The following RALYL variants were observed in gnomAD, a reference collection of about 807,000 sequenced individuals.
RALYL encodes RNA-binding Raly-like protein.
Under a neutral mutation model 35.1 loss-of-function variants are expected in RALYL, and 29 were observed. The observed-to-expected ratio is 0.83, with a 90% CI of 0.61 to 1.13. The LOEUF (loss-of-function observed/expected upper bound fraction) is 1.13, where lower values mean the gene tolerates loss of function less well. RALYL is among the 50% of genes most tolerant of loss of function. The pLI, the probability that RALYL is intolerant of heterozygous loss-of-function variation, is 0.00. For missense variants in RALYL, 359 were observed against 360.4 expected (o/e 1.00, Z 0.03); for synonymous variants, 120 against 127.6 (o/e 0.94, Z 0.40).
At chr8:84,312,452 G>A (rs1375281156) in intron 1 of RALYL, among the ~76,000 whole-genome samples, 1 of 152,116 alleles carries the variant, frequency 6.6e-6, no homozygotes, top group Non-Finnish European at 1.5e-5. Context: ...AATTTCATCT[G>A]GGACAAGGCA....
At chr8:84,566,190 T>C (rs1374721196) in intron 2 of RALYL, among the ~76,000 whole-genome samples, 1 of 151,562 alleles carries the variant, frequency 6.6e-6, no homozygotes, top group Non-Finnish European at 1.5e-5. Flanking sequence ...TCTCATGCTG[T>C]GCTCTTTACT....
intron 2 of RALYL, among the ~76,000 whole-genome samples, chr8:84,722,667 G>C (rs1484978529): frequency 8.0e-6 from 1 of 124,624 alleles, no homozygotes; most frequent in African/African-American, 3.3e-5. Context: ...ATAAAATATT[G>C]TGTATATACA....
chr8:84,843,644 G>C (rs1042499309), intron 4 of RALYL, among the ~76,000 whole-genome samples: 12 of 152,090 alleles, frequency 7.9e-5, no homozygotes, highest in Non-Finnish European at 1.5e-4. Context: ...AACCAAAAAA[G>C]AGCCCACATT....
At chr8:84,822,501 A>G (rs1475814647) in intron 4 of RALYL, among the ~76,000 whole-genome samples, 2 of 152,192 alleles carry the variant, frequency 1.3e-5, no homozygotes, top group East Asian at 3.8e-4. Flanking sequence ...GGCACTGTGT[A>G]TGTGCAAAAT....
chr8:84,424,044 T>C (rs1453043989), intron 1 of RALYL, among the ~76,000 whole-genome samples: 38 of 152,076 alleles, frequency 2.5e-4, no homozygotes, highest in Admixed American at 1.2e-3. Context: ...TTGCTCTTCT[T>C]GAGGAGTATC....
intron 7 of RALYL, 71 bp downstream of exon 7, chr8:84,873,468 A>G: frequency 2.3e-6 from 2 of 868,140 alleles, no homozygotes; most frequent in Non-Finnish European, 3.7e-6. Flanking sequence ...GAAGCAGTAC[A>G]GGGCCAGGAA....
rs955771169 is a variant in RALYL at position 84,184,840 on chromosome 8, G to A, written c.-24+416G>A. ...GCTGGCCGTCGGGCGGGCTAGAGGG[G>A]ACCCTCAGAGCACCCGGGAGATGGG... On this transcript the variant is annotated intron_variant, in intron 1 of 8. Coordinates refer to ENST00000521268, the MANE Select transcript of RALYL (RefSeq NM_173848.7). 2.5e-5 allele frequency: 20 copies of A among 809,386 alleles called. No homozygotes were observed. In the African/African-American group the frequency reaches 2.9e-4, roughly 12 times the overall value. The allele number at this position is 809,386 out of a possible 1,614,324, so 50.1% of individuals were successfully genotyped here. A position where few individuals can be genotyped will look rare whatever the true frequency, so the allele number is the denominator to read the frequency against.
At chr8:84,231,765 T>A (rs1825419260) in intron 1 of RALYL, among the ~76,000 whole-genome samples, 1 of 152,188 alleles carries the variant, frequency 6.6e-6, no homozygotes, top group South Asian at 2.1e-4. Context: ...AAAGTAGTCA[T>A]TACATCCTTT....
chr8:84,508,260 T>G (rs1479936997), intron 1 of RALYL, among the ~76,000 whole-genome samples: 1 of 152,126 alleles, frequency 6.6e-6, no homozygotes, highest in East Asian at 1.9e-4. Context: ...CTCAAGTGCT[T>G]GAGACTATCC....
chr8:84,278,952 C>A (rs1194960595), intron 1 of RALYL, among the ~76,000 whole-genome samples: 1 of 152,280 alleles, frequency 6.6e-6, no homozygotes, highest in Non-Finnish European at 1.5e-5. Flanking sequence ...ATAGTAGCAC[C>A]TCACTCCTGG....
chr8:84,579,668 T>C (rs1192171588), intron 2 of RALYL, among the ~76,000 whole-genome samples: 1 of 152,260 alleles, frequency 6.6e-6, no homozygotes, highest in African/African-American at 2.4e-5. Flanking sequence ...GTCATTATTT[T>C]AGTTACTTGG....
chr8:84,688,580 T>A (rs1281074774), intron 2 of RALYL, among the ~76,000 whole-genome samples: 1 of 152,052 alleles, frequency 6.6e-6, no homozygotes, highest in Non-Finnish European at 1.5e-5. Flanking sequence ...CAACTCAAAA[T>A]TGATTAAAGA....
chr8:84,842,546 G>A (rs1325470865), intron 4 of RALYL, among the ~76,000 whole-genome samples: 1 of 152,142 alleles, frequency 6.6e-6, no homozygotes, highest in African/African-American at 2.4e-5. Flanking sequence ...GGTACAAGGA[G>A]GAGCTAGTAC....
At chr8:84,839,522 T>C (rs531141652) in intron 4 of RALYL, among the ~76,000 whole-genome samples, 69 of 152,338 alleles carry the variant, frequency 4.5e-4, no homozygotes, top group South Asian at 1.4e-3. Context: ...TGCCTGCCTC[T>C]GTAGACTCCA....
At chr8:84,497,170 T>C (rs1395377598) in intron 1 of RALYL, among the ~76,000 whole-genome samples, 2 of 152,108 alleles carry the variant, frequency 1.3e-5, no homozygotes, top group African/African-American at 4.8e-5. Context: ...ACAGAACTGA[T>C]AGGCACTACA....
intron 2 of RALYL, among the ~76,000 whole-genome samples, chr8:84,742,577 T>G (rs752863299): frequency 1.3e-5 from 2 of 152,040 alleles, no homozygotes; most frequent in African/African-American, 2.4e-5. Flanking sequence ...AGTCCCATGT[T>G]CCATGGCTGT....
At chr8:84,321,924 TAGG>T (rs1387830310) in intron 1 of RALYL, among the ~76,000 whole-genome samples, 18 of 151,866 alleles carry the variant, frequency 1.2e-4, no homozygotes, top group Admixed American at 1.1e-3. Context: ...TTATCAGAAA[TAGG>T]AGAGACACTG....
intron 5 of RALYL, among the ~76,000 whole-genome samples, chr8:84,853,592 G>C (rs1313707616): frequency 6.6e-6 from 1 of 152,202 alleles, no homozygotes; most frequent in East Asian, 1.9e-4. Context: ...AAATAGATCA[G>C]TATGGTTGTA....
At chr8:84,844,127 TTAAAC>T (rs1239326861) in intron 4 of RALYL, among the ~76,000 whole-genome samples, 2 of 151,604 alleles carry the variant, frequency 1.3e-5, no homozygotes, top group Non-Finnish European at 2.9e-5. Context: ...TGGGATCTAA[TTAAAC>T]TAAAGAGCTT....
Sources: allele counts gnomAD v4.1 joint callset (sites outside exome capture counted in the v4.1 genomes callset), GRCh38; gene constraint gnomAD v4.1.1; transcripts MANE v1.5; gene names NCBI Gene and HGNC (gene_info 2026-07-23, HGNC 2026-07-21).